Variants in DYSF observed in about 807,000 individuals in gnomAD.
DYSF encodes dysferlin.
A neutral mutation model predicts 274.9 loss-of-function variants in DYSF; 212 were observed. The ratio of observed to expected loss-of-function variants is 0.77; its 90% CI spans 0.69 to 0.86. The LOEUF (loss-of-function observed/expected upper bound fraction) is 0.86, where lower values mean the gene tolerates loss of function less well. DYSF is among the 40% of genes least tolerant of loss of function. DYSF has a pLI of 0.00. For synonymous variants in DYSF, 1,091 were observed against 1,078.7 expected, an observed-to-expected ratio of 1.01 and a Z score of -0.22; for missense variants, 2,666 against 2,783.2, an observed-to-expected ratio of 0.96 and a Z score of 0.95.
rs535264124 is a variant in DYSF at position 71,457,976 on chromosome 2, G to A, written c.88+3890G>A. On this transcript the variant is annotated intron_variant, in intron 1 of 54. Coordinates refer to the DYSF transcript ENST00000258104. ...GGGGGCTCAGAAGAGCGGCTAGCTGGCAGCCTGAGTCACAGTCCAGTGGGA... is the reference window on the plus strand; with the variant it reads ...GGGGGCTCAGAAGAGCGGCTAGCTGACAGCCTGAGTCACAGTCCAGTGGGA... Among the ~76,000 whole-genome samples, 9 of 152,294 alleles carry A rather than the reference G, an allele frequency of 5.9e-5. No homozygotes were observed. The South Asian group carries it at 1.9e-3, about 32-fold the overall frequency.
chr2:71,506,386 C>CA (rs1205385735), intron 4 of DYSF, among the ~76,000 whole-genome samples: 4 of 152,140 alleles, frequency 2.6e-5, no homozygotes, highest in African/African-American at 9.7e-5. Flanking sequence ...CCCAAGGCAG[C>CA]AGACGAGGGC....
chr2:71,577,973 C>G (rs931172476), intron 30 of DYSF, among the ~76,000 whole-genome samples: 25 of 152,158 alleles, frequency 1.6e-4, no homozygotes, highest in African/African-American at 6.0e-4. Flanking sequence ...GCTTTCCCTG[C>G]TTACTAGCTG....
At position 71,548,386 on chromosome 2, in the gene DYSF, G is replaced by C. The variant is rs140355928; in HGVS notation, c.1577-2655G>C. Reference sequence around the variant, plus strand: ...TTCTGGAGGACAGCAACAGGTAAAGGTGAACAAGGAAGGGAAGTAATCAGC... The same window carrying C: ...TTCTGGAGGACAGCAACAGGTAAAGCTGAACAAGGAAGGGAAGTAATCAGC... On this transcript the variant is annotated intron_variant, in intron 17 of 55. Coordinates refer to ENST00000410020, the MANE Select transcript of DYSF (RefSeq NM_001130987.2). Among the ~76,000 whole-genome samples, 424 of 152,330 alleles carry C rather than the reference G, an allele frequency of 2.8e-3. 2 individuals carry two copies. Among genetic ancestry groups the C allele is most frequent in the African/African-American group, 9.0e-3 (376 of 41,564 alleles).
intron 52 of DYSF, among the ~76,000 whole-genome samples, chr2:71,678,018 C>T (rs2095248099): frequency 6.6e-6 from 1 of 152,194 alleles, no homozygotes. Context: ...ATGCTTGGAA[C>T]AGAAGTGTTT....
At chr2:71,617,291 T>C (rs1313357257) in intron 40 of DYSF, among the ~76,000 whole-genome samples, 1 of 152,148 alleles carries the variant, frequency 6.6e-6, no homozygotes, top group African/African-American at 2.4e-5. Context: ...TGAGGGGGTG[T>C]CCAGAAGATC....
At chr2:71,470,401 G>T (rs2081910619) in intron 1 of DYSF, among the ~76,000 whole-genome samples, 1 of 152,122 alleles carries the variant, frequency 6.6e-6, no homozygotes, top group Admixed American at 6.5e-5. Context: ...GGCCAGGCGT[G>T]GTGGCTCACG....
intron 8 of DYSF, among the ~76,000 whole-genome samples, 188 bp from the exon 9 acceptor site, chr2:71,515,992 T>G (rs922137714): frequency 8.5e-5 from 13 of 152,174 alleles, no homozygotes; most frequent in Admixed American, 7.2e-4. Context: ...AACCCTGAAA[T>G]GACCACGTCT....
At chr2:71,476,789 G>A (rs2082425180) in intron 1 of DYSF, among the ~76,000 whole-genome samples, 1 of 151,140 alleles carries the variant, frequency 6.6e-6, no homozygotes, top group African/African-American at 2.4e-5. Context: ...AAAAGCACTG[G>A]AGTCACTGCT....
chr2:71,607,843 T>C (rs1199833929), intron 36 of DYSF, among the ~76,000 whole-genome samples: 1 of 152,074 alleles, frequency 6.6e-6, no homozygotes, highest in Non-Finnish European at 1.5e-5. Flanking sequence ...ACAAGTTCAG[T>C]GTGAGAGGCC....
intron 10 of DYSF, 67 bp from the exon 11 acceptor site, chr2:71,520,111 T>A: frequency 2.5e-6 from 4 of 1,589,262 alleles, no homozygotes; most frequent in Non-Finnish European, 3.5e-6. Context: ...AATCATATAA[T>A]GCACCACACT....
chr2:71,525,947 G>T (rs1213045374), intron 12 of DYSF, among the ~76,000 whole-genome samples: 2 of 152,188 alleles, frequency 1.3e-5, no homozygotes, highest in African/African-American at 4.8e-5. Context: ...TTGGTGGAAT[G>T]CTTGCTGTGT....
At chr2:71,566,272 G>C (rs576628999) in intron 24 of DYSF, among the ~76,000 whole-genome samples, 1 of 149,904 alleles carries the variant, frequency 6.7e-6, no homozygotes, top group South Asian at 2.1e-4. Flanking sequence ...GACTTGCTGG[G>C]AGGGGATGAG....
At chr2:71,601,176 G>T in intron 34 of DYSF, 1 of 587,660 alleles carries the variant, frequency 1.7e-6, no homozygotes, top group Admixed American at 3.0e-5. Context: ...TGCATTGCTG[G>T]CTTCACCATG....
intron 1 of DYSF, among the ~76,000 whole-genome samples, chr2:71,479,940 A>G (rs1330840664): frequency 6.6e-6 from 1 of 152,218 alleles, no homozygotes; most frequent in African/African-American, 2.4e-5. Context: ...TCACCATTTG[A>G]ACAATTTCCA....
chr2:71,529,909 A>T (rs1245856013), intron 14 of DYSF, among the ~76,000 whole-genome samples: 2 of 152,182 alleles, frequency 1.3e-5, no homozygotes, highest in Admixed American at 1.3e-4. Flanking sequence ...TTTATTTCTA[A>T]TGTTAAATCA....
intron 30 of DYSF, among the ~76,000 whole-genome samples, chr2:71,586,391 G>A (rs1326059700): frequency 6.6e-6 from 1 of 152,122 alleles, no homozygotes; most frequent in Non-Finnish European, 1.5e-5. Flanking sequence ...GTGGCAGATG[G>A]GGTGAGGGTG....
intron 47 of DYSF, among the ~76,000 whole-genome samples, chr2:71,666,172 G>A (rs1436269776): frequency 2.0e-5 from 3 of 152,110 alleles, no homozygotes; most frequent in East Asian, 3.9e-4. Flanking sequence ...TGTTTTCGGG[G>A]GAGTCTCATT....
In DYSF at chr2:71,566,307, T is replaced by C. The variant is rs368229057; in HGVS notation, c.2566-1644T>C. ...GCTCCAGGTTCTGACCTCTTGGCCA[T>C]GTAGCCTCAGGGAAATGCAAACTGA... On this transcript the variant is annotated intron_variant, in intron 24 of 55. Coordinates refer to ENST00000410020, the MANE Select transcript of DYSF (RefSeq NM_001130987.2). 2.7e-4 allele frequency among the ~76,000 whole-genome samples: 36 copies of C among 135,272 alleles called. No individual in the cohort carries two copies. In the East Asian group the frequency reaches 7.6e-3, roughly 29 times the overall value. 88.7% of individuals were successfully genotyped at this position (135,272 alleles called of 152,430 possible).
chr2:71,604,741 G>A (rs2093616504), intron 36 of DYSF, among the ~76,000 whole-genome samples: 1 of 152,248 alleles, frequency 6.6e-6, no homozygotes, highest in South Asian at 2.1e-4. Context: ...CAGGTGCAGA[G>A]ATTTCCAAGC....
Sources: gnomAD v4.1 joint callset for allele counts (sites outside exome capture counted in the v4.1 genomes callset) on GRCh38, gnomAD v4.1.1 for gene constraint, MANE v1.5 for transcripts, NCBI Gene and HGNC (gene_info 2026-07-23, HGNC 2026-07-21) for gene names.